Variants in NMNAT1 observed in about 807,000 individuals in gnomAD.
NMNAT1 encodes the protein nicotinamide/nicotinic acid mononucleotide adenylyltransferase 1.
Under a neutral mutation model 16.7 loss-of-function variants are expected in NMNAT1, and 11 were observed. That is an observed-to-expected ratio of 0.66 (90% CI 0.41 to 1.09). The LOEUF (loss-of-function observed/expected upper bound fraction) is 1.09. Among genes scored for constraint, NMNAT1 ranks in the 50% least tolerant of loss-of-function variants. The pLI is 0.00. For missense variants in NMNAT1, 280 were observed against 332.3 expected, an observed-to-expected ratio of 0.84 and a Z score of 1.22; for synonymous variants, 110 against 119.8, an observed-to-expected ratio of 0.92 and a Z score of 0.53.
Position 9,968,069 on chromosome 1 carries a change from T to TTTTTTTTTTTG in NMNAT1, c.-56-3939_-56-3929dup, listed in dbSNP as rs1553126602. Among the ~76,000 whole-genome samples the TTTTTTTTTTTG allele has an allele frequency of 1.5e-3, 91 of 62,200 alleles. 7 individuals carry two copies. Among genetic ancestry groups the TTTTTTTTTTTG allele is most frequent in the Non-Finnish European group, 3.2e-3 (80 of 25,152 alleles). 40.8% of individuals were successfully genotyped at this position (62,200 alleles called of 152,430 possible). A position where few individuals can be genotyped will look rare whatever the true frequency, so the allele number is the denominator to read the frequency against. On this transcript the variant is annotated intron_variant, in intron 1 of 4. Transcript: ENST00000377205. ...CATGTTTGCTATTTGCCAAATGTAG[T>TTTTTTTTTTTG]TTTTTTTTTTGTTTTTTTTTGAGAT...
intron 1 of NMNAT1, among the ~76,000 whole-genome samples, chr1:9,960,040 A>C (rs575550988): frequency 1.9e-4 from 29 of 152,324 alleles, no homozygotes; most frequent in Admixed American, 1.6e-3. Flanking sequence ...CTTAGCCAAC[A>C]CAGGTTTAAT....
Position 9,982,312 on chromosome 1 carries a change from G to A in NMNAT1, c.451G>A (p.Val151Ile). 1.2e-6 allele frequency: 2 copies of A among 1,612,088 alleles called. No homozygotes were observed. The highest frequency in any genetic ancestry group is 1.7e-6 in the Non-Finnish European group (2 of 1,178,702). ...LEPKTKAVPK[V>I]KLLCGADLLE... ...TTTATTCTTCCCAGCTGTGCCAAAG[G>A]TCAAGCTGCTGTGTGGGGCAGATTT... The change falls in exon 5 of 5, where the codon GTC becomes ATC. Residue 151 changes from valine to isoleucine, a missense_variant. Transcript: ENST00000377205.
chr1:9,994,265 C>T, the NMNAT1 span, among the ~76,000 whole-genome samples: 4 of 151,012 alleles, frequency 2.6e-5, no homozygotes, highest in South Asian at 8.4e-4. Context: ...CGTGTGCCAC[C>T]ACACCTGACT....
chr1:9,961,847 C>T (rs1641416330), intron 1 of NMNAT1, among the ~76,000 whole-genome samples: 1 of 152,028 alleles, frequency 6.6e-6, no homozygotes, highest in Non-Finnish European at 1.5e-5. Context: ...TCTCGGCTCG[C>T]CGCAACCTCC....
At chr1:9,955,954 C>G (rs1226174906) in intron 1 of NMNAT1, 2 of 152,002 alleles carry the variant, frequency 1.3e-5, no homozygotes, top group Non-Finnish European at 2.9e-5. Context: ...TACAGGAAAT[C>G]TATGGTATAC....
chr1:9,973,588 G>A (rs1641736488), intron 2 of NMNAT1, among the ~76,000 whole-genome samples: 1 of 150,340 alleles, frequency 6.7e-6, no homozygotes, highest in Non-Finnish European at 1.5e-5. Context: ...GGTGCCTGTA[G>A]TCCCAGCTAC....
chr1:9,973,843 G>A (rs984041364), intron 2 of NMNAT1, among the ~76,000 whole-genome samples: 1 of 151,484 alleles, frequency 6.6e-6, no homozygotes, highest in Non-Finnish European at 1.5e-5. Flanking sequence ...GGCCAATGTG[G>A]CGAAACCTTG....
At chr1:9,966,528 G>T (rs748244617) in intron 1 of NMNAT1, among the ~76,000 whole-genome samples, 1 of 151,728 alleles carries the variant, frequency 6.6e-6, no homozygotes, top group Admixed American at 6.6e-5. Flanking sequence ...CAGGAGAATC[G>T]CTTGAACCCA....
At chr1:9,989,704 C>G (rs1642086368), downstream of NMNAT1, among the ~76,000 whole-genome samples, 1 of 152,166 alleles carries the variant, frequency 6.6e-6, no homozygotes. Flanking sequence ...CATTTACCAT[C>G]TTCAATTCAT....
At chr1:9,948,014 T>A (rs1273396174) in intron 1 of NMNAT1, among the ~76,000 whole-genome samples, 1 of 152,222 alleles carries the variant, frequency 6.6e-6, no homozygotes, top group Admixed American at 6.6e-5. Context: ...CATGGTAATA[T>A]AATTACTTCA....
the NMNAT1 span, among the ~76,000 whole-genome samples, chr1:9,996,184 G>A: frequency 3.6e-5 from 5 of 138,700 alleles, no homozygotes; most frequent in South Asian, 2.3e-4. Flanking sequence ...GTTGGCGGGC[G>A]CCTGTAGTCC....
intron 3 of NMNAT1, among the ~76,000 whole-genome samples, chr1:9,979,275 G>GTCT (rs1641880425): frequency 6.6e-6 from 1 of 152,016 alleles, no homozygotes; most frequent in South Asian, 2.1e-4. Flanking sequence ...CAAGACCAGT[G>GTCT]TGGGCAACAT....
rs547783998 is a variant in NMNAT1, at chr1:9,953,204, G to T, written c.-57+9689G>T. On this transcript the variant is annotated intron_variant, in intron 1 of 4. Coordinates refer to ENST00000377205, the MANE Select transcript of NMNAT1 (RefSeq NM_022787.4). Reference sequence around the variant, plus strand: ...TCACTGCATTATCCAGGATGGTCTCGATCTCCTGTCCTTGTGATCCACCCA... The same window carrying T: ...TCACTGCATTATCCAGGATGGTCTCTATCTCCTGTCCTTGTGATCCACCCA... Among the ~76,000 whole-genome samples, 7 of 150,390 alleles carry T rather than the reference G, an allele frequency of 4.7e-5. No individual in the cohort carries two copies. In the East Asian group the frequency reaches 5.9e-4, roughly 13 times the overall value.
chr1:9,964,891 T>A (rs1329770585), intron 1 of NMNAT1, among the ~76,000 whole-genome samples: 1 of 126,336 alleles, frequency 7.9e-6, no homozygotes, highest in African/African-American at 3.2e-5. Context: ...GAGGTTGCAG[T>A]GAGCCAAGAT....
chr1:9,991,731 T>C, the NMNAT1 span, among the ~76,000 whole-genome samples: 1 of 152,086 alleles, frequency 6.6e-6, no homozygotes, highest in Admixed American at 6.6e-5. Flanking sequence ...AGAAAAAAGA[T>C]AATTATGGAT....
the NMNAT1 span, among the ~76,000 whole-genome samples, chr1:9,991,079 A>G: frequency 6.6e-6 from 1 of 152,010 alleles, no homozygotes; most frequent in Non-Finnish European, 1.5e-5. Flanking sequence ...AACTATTATT[A>G]GTTTTTTCTG....
chr1:9,990,242 T>TA (rs1430204142), downstream of NMNAT1, among the ~76,000 whole-genome samples: 1 of 152,186 alleles, frequency 6.6e-6, no homozygotes, highest in African/African-American at 2.4e-5. Flanking sequence ...TGTAGGTTTG[T>TA]AGGTGCTGTG....
chr1:9,992,298 A>C, the NMNAT1 span, among the ~76,000 whole-genome samples: 1 of 151,790 alleles, frequency 6.6e-6, no homozygotes, highest in Non-Finnish European at 1.5e-5. Flanking sequence ...GCCCAGGCTG[A>C]TCTCAAAATC....
downstream of NMNAT1, among the ~76,000 whole-genome samples, chr1:9,986,825 T>G (rs1642051068): frequency 6.6e-6 from 1 of 152,090 alleles, no homozygotes; most frequent in South Asian, 2.1e-4. Context: ...GAGGTTACAG[T>G]GAGCTGAGAT....
Sources: allele counts gnomAD v4.1 joint callset (sites outside exome capture counted in the v4.1 genomes callset), GRCh38; gene constraint gnomAD v4.1.1; transcripts MANE v1.5; gene names NCBI Gene and HGNC (gene_info 2026-07-23, HGNC 2026-07-21).